TTLL9: variants seen among roughly 807,000 people sequenced by gnomAD.
The protein encoded by TTLL9 is tubulin tyrosine ligase like 9.
A neutral mutation model predicts 65.6 loss-of-function variants in TTLL9; 47 were observed. The observed-to-expected ratio is 0.72, with a 90% CI of 0.57 to 0.91. The LOEUF is 0.91. Ranked by LOEUF, TTLL9 falls within the 40% of genes least tolerant of loss-of-function variation. The pLI, the probability that TTLL9 is intolerant of heterozygous loss-of-function variation, is 0.00. For missense variants in TTLL9, 537 were observed against 568.8 expected (o/e 0.94, Z 0.57); for synonymous variants, 179 against 204.8 (o/e 0.87, Z 1.07).
chr20:31,880,071 A>T (rs535278785), intron 2 of TTLL9, among the ~76,000 whole-genome samples: 78 of 152,228 alleles, frequency 5.1e-4, no homozygotes, highest in Non-Finnish European at 1.0e-3. Flanking sequence ...GAAGAAAAAA[A>T]GCCGAGGAAC....
Position 31,933,847 on chromosome 20 carries a change from C to T in TTLL9, c.796C>T (p.His266Tyr). 6.2e-7 allele frequency: 1 copy of T among 1,614,084 alleles called. No individual in the cohort carries two copies. Among genetic ancestry groups the T allele is most frequent in the Non-Finnish European group, 8.5e-7 (1 of 1,179,944 alleles). Reference protein sequence around the residue: ...VAVQKTSPDYHPKKGCKWTLQ... With the variant: ...VAVQKTSPDYYPKKGCKWTLQ... Reference sequence around the variant, plus strand: ...TGTGCAAAAAACATCTCCCGACTACCACCCAAAGAAGGTGAGGAAGCCGGG... The same window carrying T: ...TGTGCAAAAAACATCTCCCGACTACTACCCAAAGAAGGTGAGGAAGCCGGG... Residue 266 changes from histidine (H) to tyrosine (Y), a missense_variant, in exon 11 of 15, where the codon CAC (histidine) becomes TAC (tyrosine). Physicochemically the swap from His to Tyr is moderately conservative, Grantham distance 83. Coordinates refer to ENST00000535842, the MANE Select transcript of TTLL9 (RefSeq NM_001008409.5).
chr20:31,932,642 A>G (rs775272398), intron 10 of TTLL9, among the ~76,000 whole-genome samples: 68 of 151,928 alleles, frequency 4.5e-4, no homozygotes, highest in Admixed American at 9.2e-4. Context: ...TAGAACCTCT[A>G]CCTCCCCATC....
intron 12 of TTLL9, 119 bp from the exon 13 acceptor site, chr20:31,937,273 TAGAG>T: frequency 1.6e-6 from 1 of 628,404 alleles, no homozygotes; most frequent in Non-Finnish European, 2.8e-6. Flanking sequence ...AATAGAAAGG[TAGAG>T]AGAGTAGCCT....
chr20:31,893,970 C>T (rs764109557), intron 3 of TTLL9, among the ~76,000 whole-genome samples: 11 of 151,988 alleles, frequency 7.2e-5, no homozygotes, highest in Non-Finnish European at 1.2e-4. Context: ...TCAATTTGAA[C>T]AATTTCAATT....
intron 2 of TTLL9, among the ~76,000 whole-genome samples, chr20:31,873,684 G>GAAAGAAAGAAAGAAAGAA (rs1555799713): frequency 2.0e-5 from 2 of 100,512 alleles, no homozygotes; most frequent in East Asian, 5.4e-4. Context: ...AAGAGAGAGA[G>GAAAGAAAGAAAGAAAGAA]AGAAAGAAAG....
At chr20:31,909,949 TG>T in intron 6 of TTLL9, 27 bp downstream of exon 6, 1 of 831,394 alleles carries the variant, frequency 1.2e-6, no homozygotes, top group Non-Finnish European at 2.0e-6. Flanking sequence ...AGGGGCTGGG[TG>T]GGAGGGAATG....
At chr20:31,887,550 G>A (rs1234469570) in intron 3 of TTLL9, among the ~76,000 whole-genome samples, 1 of 152,118 alleles carries the variant, frequency 6.6e-6, no homozygotes, top group African/African-American at 2.4e-5. Context: ...GATCAGTTAG[G>A]GGCAGAGCTA....
In TTLL9 at chr20:31,943,470, A is replaced by G. The variant is rs2064255892; in HGVS notation, c.*449A>G. The G allele has an allele frequency of 3.1e-6, 1 of 322,520 alleles. No individual in the cohort carries two copies. The highest frequency in any genetic ancestry group is 6.2e-6 in the Non-Finnish European group (1 of 162,402). The allele number at this position is 322,520 out of a possible 1,614,324, so 20.0% of individuals were successfully genotyped here. A position where few individuals can be genotyped will look rare whatever the true frequency, so the allele number is the denominator to read the frequency against. ...CAAGTCAGTGCTGAAAAGGTCCTTC[A>G]GGAGCAAGAGTTTGGAGGCTAAGGA... On this transcript the variant is annotated 3_prime_UTR_variant, in exon 15 of 15. Transcript: ENST00000535842.
chr20:31,932,352 G>A (rs569353495), intron 10 of TTLL9, among the ~76,000 whole-genome samples: 1 of 151,860 alleles, frequency 6.6e-6, no homozygotes, highest in Non-Finnish European at 1.5e-5. Flanking sequence ...CTTGCCTGTA[G>A]TCCCACCTAC....
chr20:31,886,875 G>A (rs1407967738), intron 2 of TTLL9, among the ~76,000 whole-genome samples: 1 of 152,206 alleles, frequency 6.6e-6, no homozygotes, highest in African/African-American at 2.4e-5. Context: ...ATTGAACTGA[G>A]CTTTCAAAAC....
chr20:31,929,525 A>G (rs1405318246), intron 10 of TTLL9, among the ~76,000 whole-genome samples: 7 of 151,872 alleles, frequency 4.6e-5, no homozygotes, highest in Non-Finnish European at 8.8e-5. Flanking sequence ...TTATATATAA[A>G]TGATCCCATT....
chr20:31,873,726 GAAAGAAAGAAAA>G (rs1340350689), intron 2 of TTLL9, among the ~76,000 whole-genome samples: 1 of 113,038 alleles, frequency 8.8e-6, no homozygotes, highest in African/African-American at 3.6e-5. Flanking sequence ...AAGAAAGAAA[GAAAGAAAGAAAA>G]AGGAAGGAAG....
At chr20:31,913,919 C>T (rs1176852470) in intron 6 of TTLL9, among the ~76,000 whole-genome samples, 2 of 152,198 alleles carry the variant, frequency 1.3e-5, no homozygotes, top group Non-Finnish European at 2.9e-5. Flanking sequence ...CAGCCCGCCT[C>T]GTGGTGCGGG....
At position 31,943,462 on chromosome 20, in the gene TTLL9, G is replaced by T; in HGVS notation, c.*441G>T. 1 of 322,786 alleles carries T rather than the reference G, an allele frequency of 3.1e-6. No homozygotes were observed. Among genetic ancestry groups the T allele is most frequent in the Non-Finnish European group, 6.1e-6 (1 of 162,740 alleles). 20.0% of individuals were successfully genotyped at this position (322,786 alleles called of 1,614,324 possible). On this transcript the variant is annotated 3_prime_UTR_variant, in exon 15 of 15. Coordinates refer to ENST00000535842, the MANE Select transcript of TTLL9 (RefSeq NM_001008409.5). ...ATACCTCCCAAGTCAGTGCTGAAAA[G>T]GTCCTTCAGGAGCAAGAGTTTGGAG... is the stretch of plus-strand genomic sequence containing the variant.
At chr20:31,919,417 A>G (rs2063781945) in intron 6 of TTLL9, among the ~76,000 whole-genome samples, 1 of 152,150 alleles carries the variant, frequency 6.6e-6, no homozygotes, top group African/African-American at 2.4e-5. Context: ...GGACCACTCC[A>G]TATGAGATCA....
chr20:31,906,938 G>A (rs1285604980), intron 4 of TTLL9, among the ~76,000 whole-genome samples: 5 of 152,074 alleles, frequency 3.3e-5, no homozygotes, highest in African/African-American at 1.2e-4. Context: ...GTGTGAGCCA[G>A]CACACCCAGC....
intron 7 of TTLL9, 64 bp from the exon 8 acceptor site, chr20:31,922,899 A>T (rs1387001178): frequency 7.4e-7 from 1 of 1,357,698 alleles, no homozygotes; most frequent in Non-Finnish European, 1.0e-6. Context: ...TGTCTAACAG[A>T]ATACCTAGTA....
At chr20:31,906,459 T>G (rs1303032281) in intron 4 of TTLL9, among the ~76,000 whole-genome samples, 1 of 152,242 alleles carries the variant, frequency 6.6e-6, no homozygotes, top group Non-Finnish European at 1.5e-5. Flanking sequence ...CTTTTGGAAC[T>G]ACAGTCTGCC....
chr20:31,934,488 C>G, intron 11 of TTLL9: 1 of 681,576 alleles, frequency 1.5e-6, no homozygotes. Context: ...TTCTGGGGTC[C>G]TGCATAGCCA....
Sources: gnomAD v4.1 joint callset for allele counts (sites outside exome capture counted in the v4.1 genomes callset) on GRCh38, gnomAD v4.1.1 for gene constraint, MANE v1.5 for transcripts, NCBI Gene and HGNC (gene_info 2026-07-23, HGNC 2026-07-21) for gene names.